The following CAMKMT variants were observed in gnomAD, a reference collection of about 807,000 sequenced individuals.
The protein encoded by CAMKMT is calmodulin-lysine N-methyltransferase, also known as CaM KMT.
Under a neutral mutation model 48.0 loss-of-function variants are expected in CAMKMT, and 53 were observed. The ratio of observed to expected loss-of-function variants is 1.10; its 90% CI spans 0.89 to 1.39. The LOEUF (loss-of-function observed/expected upper bound fraction) is 1.39. Among genes scored for constraint, CAMKMT ranks in the 40% most tolerant of loss-of-function variants. The pLI is 0.00. For synonymous variants in CAMKMT, 165 were observed against 152.3 expected (o/e 1.08, Z -0.61); for missense variants, 428 against 402.7 (o/e 1.06, Z -0.54).
At chr2:44,424,565 G>A (rs1415420213) in intron 3 of CAMKMT, among the ~76,000 whole-genome samples, 1 of 152,158 alleles carries the variant, frequency 6.6e-6, no homozygotes, top group African/African-American at 2.4e-5. Flanking sequence ...TTAACTACCA[G>A]GCCTGACGGA....
intron 7 of CAMKMT, among the ~76,000 whole-genome samples, chr2:44,741,663 C>G (rs1679682824): frequency 6.6e-6 from 1 of 152,148 alleles, no homozygotes; most frequent in African/African-American, 2.4e-5. Context: ...CTCATGAGAA[C>G]TGGGGAAAAA....
intron 3 of CAMKMT, among the ~76,000 whole-genome samples, chr2:44,474,698 T>C (rs1668595758): frequency 6.6e-6 from 1 of 152,204 alleles, no homozygotes; most frequent in African/African-American, 2.4e-5. Flanking sequence ...GTGTTAAATG[T>C]TATTCCTGAC....
chr2:44,699,101 G>A (rs1361640711), intron 3 of CAMKMT, among the ~76,000 whole-genome samples: 6 of 152,000 alleles, frequency 3.9e-5, no homozygotes, highest in African/African-American at 1.2e-4. Flanking sequence ...AATCATCCAC[G>A]AATGTTGAAA....
chr2:44,495,421 G>A (rs1345894681), intron 3 of CAMKMT, among the ~76,000 whole-genome samples: 1 of 152,156 alleles, frequency 6.6e-6, no homozygotes, highest in East Asian at 1.9e-4. Flanking sequence ...TGGAATTAAA[G>A]ATGTGAGCCA....
At position 44,549,504 on chromosome 2, in the gene CAMKMT, C is replaced by G; in HGVS notation, c.377-154779C>G. On this transcript the variant is annotated intron_variant, in intron 3 of 10. Transcript: ENST00000378494. ...TGTCTTGAACTGAAAACCACAATTA[C>G]TTTTGCACCAACCTAAAATGTATAT... 1.0e-5 allele frequency: 7 copies of G among 692,558 alleles called. No homozygotes were observed. In the South Asian group the frequency reaches 1.1e-4, roughly 11 times the overall value. 42.9% of individuals were successfully genotyped at this position (692,558 alleles called of 1,614,324 possible).
At chr2:44,486,445 A>T (rs1308733119) in intron 3 of CAMKMT, among the ~76,000 whole-genome samples, 1 of 152,196 alleles carries the variant, frequency 6.6e-6, no homozygotes, top group Non-Finnish European at 1.5e-5. Context: ...GAGGAAAAGC[A>T]GTCTGGAATG....
chr2:44,491,405 C>T (rs1324507499), intron 3 of CAMKMT, among the ~76,000 whole-genome samples: 1 of 152,050 alleles, frequency 6.6e-6, no homozygotes, highest in Non-Finnish European at 1.5e-5. Context: ...AATACCTCTC[C>T]CTATCCTTAT....
intron 3 of CAMKMT, among the ~76,000 whole-genome samples, chr2:44,683,838 A>AAAAAAAG (rs1553437597): frequency 4.7e-5 from 7 of 149,366 alleles, no homozygotes; most frequent in Non-Finnish European, 8.9e-5. Flanking sequence ...AAAAAAAAAA[A>AAAAAAAG]AAAAAGAAAA....
intron 1 of CAMKMT, among the ~76,000 whole-genome samples, chr2:44,363,898 C>T (rs991823054): frequency 2.0e-5 from 3 of 151,644 alleles, no homozygotes; most frequent in Admixed American, 6.6e-5. Context: ...GCCATGTTGG[C>T]CAGGCTGGTC....
chr2:44,673,982 A>G (rs1191250701), intron 3 of CAMKMT, among the ~76,000 whole-genome samples: 1 of 152,222 alleles, frequency 6.6e-6, no homozygotes, highest in Non-Finnish European at 1.5e-5. Flanking sequence ...CTTCTTGCTG[A>G]AGAAAAGTTT....
intron 3 of CAMKMT, among the ~76,000 whole-genome samples, chr2:44,448,982 C>G (rs1667151319): frequency 6.6e-6 from 1 of 152,038 alleles, no homozygotes; most frequent in Non-Finnish European, 1.5e-5. Context: ...GTGCAGGAAA[C>G]TAGGGAGTAT....
rs866551468 is a variant in CAMKMT at position 44,590,936 on chromosome 2, T to G, written c.377-113347T>G. On this transcript the variant is annotated intron_variant, in intron 3 of 10. Transcript: ENST00000378494. ...ATCTTGAATTAATTTTTGTATAAGG[T>G]GTAAGGAAGGGATCCAGTTTCAGCT... Among the ~76,000 whole-genome samples the G allele has an allele frequency of 3.7e-3, 566 of 151,950 alleles. 4 individuals are homozygous for G. The highest frequency in any genetic ancestry group is 0.013 in the African/African-American group (542 of 41,432).
At position 44,466,158 on chromosome 2, in the gene CAMKMT, A is replaced by G. The variant is rs138262809; in HGVS notation, c.376+75853A>G. 3.6e-3 allele frequency among the ~76,000 whole-genome samples: 548 copies of G among 152,356 alleles called. 1 individual carries two copies. Among genetic ancestry groups the G allele is most frequent in the African/African-American group, 0.013 (532 of 41,584 alleles). ...GATCATAAGGAAACAAAGGACTTCA[A>G]TAACATTATAGTCCAATTGGATCTA... On this transcript the variant is annotated intron_variant, in intron 3 of 10. Coordinates refer to ENST00000378494, the MANE Select transcript of CAMKMT (RefSeq NM_024766.5).
chr2:44,704,550 T>G (rs1260321248), intron 4 of CAMKMT, among the ~76,000 whole-genome samples: 2 of 152,048 alleles, frequency 1.3e-5, no homozygotes, highest in African/African-American at 4.8e-5. Flanking sequence ...TTGCCTTGGG[T>G]ACTAATATTG....
intron 3 of CAMKMT, among the ~76,000 whole-genome samples, chr2:44,391,080 CT>C (rs1286633034): frequency 1.3e-5 from 2 of 152,020 alleles, no homozygotes; most frequent in African/African-American, 4.8e-5. Flanking sequence ...TACTCATACT[CT>C]TTTTCTCAAA....
intron 2 of CAMKMT, among the ~76,000 whole-genome samples, chr2:44,380,370 A>G (rs976824456): frequency 2.6e-5 from 4 of 152,224 alleles, no homozygotes; most frequent in African/African-American, 9.6e-5. Flanking sequence ...CGTAGTTGTC[A>G]CATAACATTA....
intron 3 of CAMKMT, among the ~76,000 whole-genome samples, chr2:44,555,994 G>T (rs1667985175): frequency 6.6e-6 from 1 of 152,154 alleles, no homozygotes; most frequent in East Asian, 1.9e-4. Context: ...AGGAGCAGAA[G>T]TATAGCTTGT....
chr2:44,617,859 T>A (rs1391546856), intron 3 of CAMKMT, among the ~76,000 whole-genome samples: 1 of 152,212 alleles, frequency 6.6e-6, no homozygotes, highest in Non-Finnish European at 1.5e-5. Context: ...AATATTACAA[T>A]ACCAATGCTT....
intron 1 of CAMKMT, among the ~76,000 whole-genome samples, chr2:44,371,993 C>T (rs1488948126): frequency 1.3e-5 from 2 of 152,202 alleles, no homozygotes; most frequent in Non-Finnish European, 2.9e-5. Flanking sequence ...TATGCTAAAA[C>T]ATACATACCT....
Sources: gnomAD v4.1 joint callset for allele counts (sites outside exome capture counted in the v4.1 genomes callset) on GRCh38, gnomAD v4.1.1 for gene constraint, MANE v1.5 for transcripts, NCBI Gene and HGNC (gene_info 2026-07-23, HGNC 2026-07-21) for gene names.